METTL25: variants seen among roughly 807,000 people sequenced by gnomAD.
METTL25 encodes the protein methyltransferase like 25, also known as probable methyltransferase-like protein 25.
Under a neutral mutation model 71.6 loss-of-function variants are expected in METTL25, and 64 were observed. That is an observed-to-expected ratio of 0.89 (90% confidence interval 0.73 to 1.10). The LOEUF is 1.10. METTL25 is among the 50% of genes least tolerant of loss of function. The pLI is 0.00. For synonymous variants in METTL25, 287 were observed against 250.3 expected (o/e 1.15, Z -1.38); for missense variants, 807 against 707.0 (o/e 1.14, Z -1.60).
intron 5 of METTL25, among the ~76,000 whole-genome samples, chr12:82,421,612 A>C (rs1402404149): frequency 6.6e-6 from 1 of 151,804 alleles, no homozygotes; most frequent in East Asian, 1.9e-4. Context: ...AAAACCCTTC[A>C]AAAAAATAAA....
chr12:82,387,613 G>A (rs1055131323), intron 2 of METTL25, among the ~76,000 whole-genome samples: 1 of 151,304 alleles, frequency 6.6e-6, no homozygotes, highest in African/African-American at 2.4e-5. Flanking sequence ...CTACAGAAAA[G>A]TTACAAGAAT....
chr12:82,382,344 A>C (rs555621463), intron 1 of METTL25, among the ~76,000 whole-genome samples: 3 of 152,312 alleles, frequency 2.0e-5, no homozygotes, highest in South Asian at 4.1e-4. Context: ...ACAAAATCTC[A>C]AATTTAGTAC....
Position 82,447,636 on chromosome 12 carries a change from G to A in METTL25, c.1478+8845G>A, listed in dbSNP as rs1022340728. On this transcript the variant is annotated intron_variant, in intron 8 of 11. Coordinates refer to ENST00000248306, the MANE Select transcript of METTL25 (RefSeq NM_032230.3). Reference sequence around the variant, plus strand: ...GTCATAGTTTCCTGTGGGAGTTGCGGGGAGCAGTGGATTATTAGGCAGAAT... The same window carrying A: ...GTCATAGTTTCCTGTGGGAGTTGCGAGGAGCAGTGGATTATTAGGCAGAAT... Among the ~76,000 whole-genome samples, 13 of 152,146 alleles carry A rather than the reference G, an allele frequency of 8.5e-5. 1 individual carries two copies. Among genetic ancestry groups the A allele is most frequent in the South Asian group, 4.1e-4 (2 of 4,830 alleles).
chr12:82,468,226 T>C (rs1449856484), intron 9 of METTL25, among the ~76,000 whole-genome samples: 1 of 152,106 alleles, frequency 6.6e-6, no homozygotes, highest in African/African-American at 2.4e-5. Context: ...AATTTGTAAG[T>C]TGGTCAAATC....
At chr12:82,454,956 T>A (rs568729923) in intron 8 of METTL25, among the ~76,000 whole-genome samples, 4 of 152,024 alleles carry the variant, frequency 2.6e-5, no homozygotes, top group African/African-American at 9.6e-5. Flanking sequence ...TCATAGTGAC[T>A]CTATGAAGTA....
chr12:82,398,707 A>G (rs1162289720), intron 3 of METTL25, 88 bp from the exon 4 acceptor site: 2 of 792,326 alleles, frequency 2.5e-6, no homozygotes, highest in African/African-American at 3.6e-5. Flanking sequence ...AAGTTATATA[A>G]CTCATTTGTT....
intron 5 of METTL25, among the ~76,000 whole-genome samples, chr12:82,422,002 A>G (rs924573512): frequency 9.2e-5 from 14 of 152,192 alleles, no homozygotes; most frequent in African/African-American, 3.1e-4. Context: ...TTCTGAAACT[A>G]TTCCAATCAA....
chr12:82,358,732 A>G lies in METTL25; in HGVS notation c.167A>G (p.Glu56Gly). The change falls in exon 1 of 12, where the codon GAG becomes GGG. Residue 56 changes from glutamate (E) to glycine (G), a missense_variant. Transcript: ENST00000248306. ...VWEELVDLPP[E>G]TVLAALRKSA... ...GAGGAGCTGGTCGACTTGCCACCGG[A>G]GACAGTGCTGGCTGCGCTGAGGAAG... 6.2e-7 allele frequency: 1 copy of G among 1,614,090 alleles called. No homozygotes were observed. The highest frequency in any genetic ancestry group is 8.5e-7 in the Non-Finnish European group (1 of 1,180,020).
At position 82,430,906 on chromosome 12, in the gene METTL25, A is replaced by T. The variant is rs1238613302; in HGVS notation, c.1293A>T (p.Glu431Asp). 13 of 1,589,350 alleles carry T rather than the reference A, an allele frequency of 8.2e-6. No individual in the cohort carries two copies. The highest frequency in any genetic ancestry group is 1.0e-5 in the Non-Finnish European group (12 of 1,163,646). The stretch of plus-strand genomic sequence containing the variant: ...CCCCATCTGCAGAACGTACTCAGGA[A>T]AAGTGGGGATTTCCAATGTGCCACT... ...FENQHKERTQ[E>D]KWGFPMCHYL... is the part of the protein sequence containing the mutation. The change falls in exon 6 of 12, where the codon GAA becomes GAT. Residue 431 changes from glutamate (E) to aspartate (D), a missense_variant. Physicochemically the swap from Glu to Asp is conservative, Grantham distance 45. Transcript: ENST00000248306.
intron 7 of METTL25, among the ~76,000 whole-genome samples, chr12:82,437,588 A>G (rs1289889810): frequency 1.3e-5 from 2 of 151,722 alleles, no homozygotes; most frequent in Non-Finnish European, 3.0e-5. Flanking sequence ...CTGAGCACGA[A>G]AAATTTATTT....
rs533183087 is a variant in METTL25, at chr12:82,441,101, C to T, written c.1478+2310C>T. Among the ~76,000 whole-genome samples the T allele has an allele frequency of 4.6e-5, 7 of 152,014 alleles. No homozygotes were observed. The East Asian group carries it at 7.8e-4, about 17-fold the overall frequency. On this transcript the variant is annotated intron_variant, in intron 8 of 11. Coordinates refer to ENST00000248306, the MANE Select transcript of METTL25 (RefSeq NM_032230.3). ...TAAACCACTCATACTTTGAGTTAGG[C>T]CCCTAAAGATTTATACTGTAAGAGT...
chr12:82,386,278 TTACCATTGTTC>T (rs1027925871), intron 1 of METTL25, among the ~76,000 whole-genome samples: 1 of 152,152 alleles, frequency 6.6e-6, no homozygotes, highest in Non-Finnish European at 1.5e-5. Flanking sequence ...ACTGGGGATA[TTACCATTGTTC>T]CTCATGCACT....
chr12:82,451,676 A>G (rs1265522884), intron 8 of METTL25, among the ~76,000 whole-genome samples: 1 of 152,144 alleles, frequency 6.6e-6, no homozygotes, highest in Non-Finnish European at 1.5e-5. Flanking sequence ...CAGGAAAATC[A>G]TGAAAATAAT....
chr12:82,437,249 A>G (rs1285144610), intron 7 of METTL25, among the ~76,000 whole-genome samples: 2 of 151,812 alleles, frequency 1.3e-5, no homozygotes, highest in African/African-American at 4.8e-5. Context: ...GTGCCTTTGA[A>G]AAGTTACAAA....
At chr12:82,429,902 G>C (rs1055273948) in intron 5 of METTL25, among the ~76,000 whole-genome samples, 3 of 151,298 alleles carry the variant, frequency 2.0e-5, no homozygotes, top group Non-Finnish European at 4.4e-5. Flanking sequence ...CTGAACATCT[G>C]GATAGGCTAT....
At chr12:82,376,060 C>T (rs1175883711) in intron 1 of METTL25, among the ~76,000 whole-genome samples, 2 of 152,024 alleles carry the variant, frequency 1.3e-5, no homozygotes, top group Non-Finnish European at 2.9e-5. Flanking sequence ...TAGTTTCTTC[C>T]CATTTAATGT....
intron 1 of METTL25, among the ~76,000 whole-genome samples, chr12:82,359,204 G>C (rs940471625): frequency 6.6e-6 from 1 of 152,202 alleles, no homozygotes; most frequent in Non-Finnish European, 1.5e-5. Context: ...AATTTCAAGT[G>C]GTGGTAATGA....
chr12:82,378,492 C>T (rs1884109767), intron 1 of METTL25, among the ~76,000 whole-genome samples: 1 of 152,106 alleles, frequency 6.6e-6, no homozygotes, highest in Non-Finnish European at 1.5e-5. Flanking sequence ...TAACTAAATT[C>T]AGTTGATAGA....
intron 5 of METTL25, among the ~76,000 whole-genome samples, chr12:82,420,661 TAAA>T (rs967067127): frequency 1.1e-4 from 16 of 152,166 alleles, no homozygotes; most frequent in African/African-American, 3.6e-4. Flanking sequence ...TATATAAGAT[TAAA>T]AATCCAAATT....
Sources: allele counts gnomAD v4.1 joint callset (sites outside exome capture counted in the v4.1 genomes callset), GRCh38; gene constraint gnomAD v4.1.1; transcripts MANE v1.5; gene names NCBI Gene and HGNC (gene_info 2026-07-23, HGNC 2026-07-21).